Variants in MDGA2 observed in about 807,000 individuals in gnomAD.
The protein encoded by MDGA2 is MAM domain-containing glycosylphosphatidylinositol anchor protein 2.
Under a neutral mutation model 117.8 loss-of-function variants are expected in MDGA2, and 40 were observed. The observed-to-expected ratio is 0.34, with a 90% confidence interval of 0.26 to 0.44. The LOEUF is 0.44. Among genes scored for constraint, MDGA2 ranks in the 20% least tolerant of loss-of-function variants. The probability of loss-of-function intolerance (pLI) is 1.00; values close to 1 mark genes in which losing one functional copy is unlikely to be tolerated. For synonymous variants in MDGA2, 452 were observed against 439.0 expected, an observed-to-expected ratio of 1.03 and a Z score of -0.37; for missense variants, 1,123 against 1,250.6, an observed-to-expected ratio of 0.90 and a Z score of 1.54.
At chr14:47,133,833 T>A (rs1463141531) in intron 4 of MDGA2, among the ~76,000 whole-genome samples, 1 of 152,014 alleles carries the variant, frequency 6.6e-6, no homozygotes, top group Non-Finnish European at 1.5e-5. Flanking sequence ...TCTTTACTCA[T>A]GTTCAATCCC....
At chr14:47,249,567 C>G (rs1450695473) in intron 2 of MDGA2, among the ~76,000 whole-genome samples, 1 of 152,082 alleles carries the variant, frequency 6.6e-6, no homozygotes, top group Non-Finnish European at 1.5e-5. Flanking sequence ...CTTCAGCAAT[C>G]CACCCACTTC....
chr14:47,257,282 C>T (rs1260892109), intron 2 of MDGA2, among the ~76,000 whole-genome samples: 1 of 152,048 alleles, frequency 6.6e-6, no homozygotes, highest in Non-Finnish European at 1.5e-5. Context: ...TGACATTTTC[C>T]TCGGTAATAT....
At chr14:47,359,554 T>C (rs1891068537) in intron 1 of MDGA2, among the ~76,000 whole-genome samples, 1 of 151,958 alleles carries the variant, frequency 6.6e-6, no homozygotes, top group Admixed American at 6.6e-5. Flanking sequence ...ATGGATAGTT[T>C]CTCCAGTGCT....
At chr14:46,922,573 A>C (rs1884174903) in intron 9 of MDGA2, among the ~76,000 whole-genome samples, 2 of 152,222 alleles carry the variant, frequency 1.3e-5, no homozygotes. Context: ...GGTCTTTCCA[A>C]ATATAGTATT....
intron 2 of MDGA2, among the ~76,000 whole-genome samples, chr14:47,270,575 A>C (rs1357912281): frequency 6.6e-6 from 1 of 152,152 alleles, no homozygotes; most frequent in Non-Finnish European, 1.5e-5. Context: ...TTCTTGGTTT[A>C]TGTGTGGCTC....
At chr14:47,323,688 TTAAC>T (rs1890055836) in intron 1 of MDGA2, among the ~76,000 whole-genome samples, 1 of 152,008 alleles carries the variant, frequency 6.6e-6, no homozygotes, top group Non-Finnish European at 1.5e-5. Context: ...AAAACTGTCT[TTAAC>T]TATAGAACAG....
chr14:46,940,196 A>G (rs1158953426), intron 9 of MDGA2, among the ~76,000 whole-genome samples: 1 of 152,214 alleles, frequency 6.6e-6, no homozygotes, highest in Admixed American at 6.5e-5. Flanking sequence ...TCAGGAATTT[A>G]CAAAGATAAG....
chr14:46,940,087 G>T (rs572854353), intron 9 of MDGA2, among the ~76,000 whole-genome samples: 20 of 152,234 alleles, frequency 1.3e-4, no homozygotes, highest in Non-Finnish European at 2.8e-4. Flanking sequence ...TTGCAAAAGG[G>T]TCTCCACTTT....
chr14:47,392,151 G>T (rs1891910777), intron 1 of MDGA2, among the ~76,000 whole-genome samples: 1 of 152,096 alleles, frequency 6.6e-6, no homozygotes, highest in South Asian at 2.1e-4. Flanking sequence ...AGTGAATAAT[G>T]AATGTACAAG....
intron 7 of MDGA2, among the ~76,000 whole-genome samples, chr14:47,057,482 A>T (rs11628087): frequency 6.6e-6 from 1 of 151,778 alleles, no homozygotes; most frequent in African/African-American, 2.4e-5. Flanking sequence ...TAAAAAAAAA[A>T]TACTCCCAAT....
intron 2 of MDGA2, among the ~76,000 whole-genome samples, chr14:47,229,023 T>C (rs1233852268): frequency 6.6e-6 from 1 of 152,056 alleles, no homozygotes; most frequent in Admixed American, 6.6e-5. Flanking sequence ...GAAATAGACA[T>C]AGTGAGCCAC....
intron 1 of MDGA2, among the ~76,000 whole-genome samples, chr14:47,367,309 G>T (rs573362203): frequency 5.3e-5 from 8 of 152,090 alleles, no homozygotes; most frequent in Non-Finnish European, 1.2e-4. Flanking sequence ...CTTTCCTATA[G>T]ATTGCTATCC....
Position 47,023,848 on chromosome 14 carries a change from C to T in MDGA2, c.1819+11163G>A, listed in dbSNP as rs138098183. On this transcript the variant is annotated intron_variant, in intron 8 of 16. Transcript: ENST00000399232. ...CAGATACAAATTTGGGGAAGATCTG[C>T]TTAGCAATGACAGTTTGAGTCATTA... 7.2e-4 allele frequency among the ~76,000 whole-genome samples: 110 copies of T among 152,232 alleles called. 2 individuals carry two copies. Among genetic ancestry groups the T allele is most frequent in the African/African-American group, 2.6e-3 (106 of 41,536 alleles).
chr14:47,544,701 T>G (rs1404701948), intron 1 of MDGA2, among the ~76,000 whole-genome samples: 1 of 152,178 alleles, frequency 6.6e-6, no homozygotes, highest in Non-Finnish European at 1.5e-5. Flanking sequence ...GGACTCTGTC[T>G]TCCCACAAGA....
chr14:47,060,754 C>T (rs1889853362), intron 7 of MDGA2, among the ~76,000 whole-genome samples: 2 of 152,166 alleles, frequency 1.3e-5, no homozygotes, highest in Middle Eastern at 6.8e-3. Flanking sequence ...GCAAAAAAAT[C>T]ACATCTGACT....
chr14:47,328,410 C>T (rs1018393671), intron 1 of MDGA2, among the ~76,000 whole-genome samples: 1 of 152,118 alleles, frequency 6.6e-6, no homozygotes, highest in African/African-American at 2.4e-5. Flanking sequence ...TATTAAAGAA[C>T]CTATTCTTCT....
chr14:47,252,659 C>T (rs1234038229), intron 2 of MDGA2, among the ~76,000 whole-genome samples: 1 of 152,112 alleles, frequency 6.6e-6, no homozygotes, highest in Non-Finnish European at 1.5e-5. Flanking sequence ...TTGGGAGTAA[C>T]AACCTGAATT....
intron 1 of MDGA2, among the ~76,000 whole-genome samples, chr14:47,511,636 G>A (rs1297265128): frequency 1.3e-5 from 2 of 151,990 alleles, no homozygotes; most frequent in Non-Finnish European, 2.9e-5. Context: ...CTTAAAACAG[G>A]ACTTATATTT....
At chr14:46,971,897 G>T (rs76886307) in intron 8 of MDGA2, among the ~76,000 whole-genome samples, 17,041 of 152,078 alleles carry the variant, frequency 0.11, 1,827 homozygotes, top group African/African-American at 0.25. Flanking sequence ...CAGTACAATT[G>T]TTTTAAATCC....
Sources: allele counts gnomAD v4.1 joint callset (sites outside exome capture counted in the v4.1 genomes callset), GRCh38; gene constraint gnomAD v4.1.1; transcripts MANE v1.5; gene names NCBI Gene and HGNC (gene_info 2026-07-23, HGNC 2026-07-21).